Variants in ZCCHC14 observed in about 807,000 individuals in gnomAD.
ZCCHC14 encodes zinc finger CCHC domain-containing protein 14.
A neutral mutation model predicts 85.0 loss-of-function variants in ZCCHC14; 16 were observed. The observed-to-expected ratio is 0.19, with a 90% CI of 0.13 to 0.29. The LOEUF (loss-of-function observed/expected upper bound fraction) is 0.29. Ranked by LOEUF, ZCCHC14 falls within the 10% of genes least tolerant of loss-of-function variation. The pLI is 1.00. For missense variants in ZCCHC14, 1,303 were observed against 1,443.5 expected (o/e 0.90, Z 1.58); for synonymous variants, 775 against 630.7 (o/e 1.23, Z -3.43).
chr16:87,432,765 A>T (rs916731073), intron 3 of ZCCHC14, among the ~76,000 whole-genome samples: 28 of 152,198 alleles, frequency 1.8e-4, no homozygotes, highest in African/African-American at 6.8e-4. Flanking sequence ...TTCCCTGCCC[A>T]GACCAAGGAG....
At chr16:87,436,746 C>T (rs1458862069) in intron 2 of ZCCHC14, among the ~76,000 whole-genome samples, 1 of 152,088 alleles carries the variant, frequency 6.6e-6, no homozygotes, top group African/African-American at 2.4e-5. Context: ...AAAAAAGCCT[C>T]GGATATTAAC....
At chr16:87,425,626 G>A (rs1909332270) in intron 3 of ZCCHC14, among the ~76,000 whole-genome samples, 1 of 151,920 alleles carries the variant, frequency 6.6e-6, no homozygotes, top group Admixed American at 6.6e-5. Flanking sequence ...AAATGTTTGA[G>A]CTCCTTCTCT....
chr16:87,451,836 A>G (rs567628570), intron 2 of ZCCHC14, among the ~76,000 whole-genome samples: 1 of 152,374 alleles, frequency 6.6e-6, no homozygotes, highest in South Asian at 2.1e-4. Context: ...CACCACAGTG[A>G]ACACGGAAAG....
intron 4 of ZCCHC14, among the ~76,000 whole-genome samples, chr16:87,421,068 A>T (rs1267467198): frequency 3.3e-5 from 5 of 152,258 alleles, no homozygotes; most frequent in African/African-American, 4.8e-5. Context: ...CCACACCAGC[A>T]GGTCTGGAGA....
chr16:87,452,863 C>G (rs888859115), intron 2 of ZCCHC14, among the ~76,000 whole-genome samples: 4 of 152,186 alleles, frequency 2.6e-5, no homozygotes, highest in Admixed American at 2.0e-4. Flanking sequence ...AACAGCGAAG[C>G]CCCATGCCTT....
chr16:87,477,588 C>T (rs1315145743), intron 1 of ZCCHC14, among the ~76,000 whole-genome samples: 1 of 152,214 alleles, frequency 6.6e-6, no homozygotes, highest in Non-Finnish European at 1.5e-5. Flanking sequence ...AAAATAGCCA[C>T]TCACTAATGT....
chr16:87,468,259 A>T (rs1172366996), intron 1 of ZCCHC14, among the ~76,000 whole-genome samples: 1 of 152,154 alleles, frequency 6.6e-6, no homozygotes, highest in East Asian at 1.9e-4. Context: ...TCTTCCTTAA[A>T]TAGTGGTATT....
intron 2 of ZCCHC14, among the ~76,000 whole-genome samples, chr16:87,458,655 A>G (rs763683950): frequency 3.9e-5 from 6 of 152,208 alleles, no homozygotes; most frequent in Non-Finnish European, 8.8e-5. Flanking sequence ...GAAACAAAGC[A>G]GTTATGAAGC....
intron 1 of ZCCHC14, among the ~76,000 whole-genome samples, chr16:87,486,704 A>G (rs1428584995): frequency 3.3e-5 from 5 of 152,248 alleles, no homozygotes; most frequent in African/African-American, 1.2e-4. Context: ...GTGTTAGAAT[A>G]TTATCTCCTG....
chr16:87,483,668 G>A (rs1457898833), intron 1 of ZCCHC14, among the ~76,000 whole-genome samples: 11 of 152,268 alleles, frequency 7.2e-5, no homozygotes, highest in East Asian at 5.8e-4. Context: ...CTGTATGGCC[G>A]CAACCAGCAA....
chr16:87,442,761 CA>C (rs1395297140), intron 2 of ZCCHC14, among the ~76,000 whole-genome samples: 4 of 152,198 alleles, frequency 2.6e-5, no homozygotes, highest in Non-Finnish European at 5.9e-5. Flanking sequence ...TGAAAGCAAT[CA>C]AAAACAATAC....
At chr16:87,418,342 CCCGA>C (rs1567511710) in intron 7 of ZCCHC14, among the ~76,000 whole-genome samples, 1 of 152,202 alleles carries the variant, frequency 6.6e-6, no homozygotes, top group Non-Finnish European at 1.5e-5. Flanking sequence ...CTTACCCTAC[CCCGA>C]CACCAGGAGG....
chr16:87,464,296 C>T (rs1480508626), intron 1 of ZCCHC14, among the ~76,000 whole-genome samples: 1 of 152,164 alleles, frequency 6.6e-6, no homozygotes, highest in African/African-American at 2.4e-5. Context: ...AAACCACATC[C>T]CACACTCCCC....
intron 8 of ZCCHC14, among the ~76,000 whole-genome samples, chr16:87,417,052 G>C (rs1479609742): frequency 6.6e-6 from 1 of 152,090 alleles, no homozygotes; most frequent in Non-Finnish European, 1.5e-5. Flanking sequence ...CTCTAGGTAC[G>C]ACTGCTTGGA....
intron 2 of ZCCHC14, among the ~76,000 whole-genome samples, chr16:87,459,064 C>T (rs1433820616): frequency 2.0e-5 from 3 of 152,226 alleles, no homozygotes; most frequent in Non-Finnish European, 4.4e-5. Flanking sequence ...CTGATCATAA[C>T]ACGGCAGAGG....
intron 2 of ZCCHC14, among the ~76,000 whole-genome samples, chr16:87,445,213 T>C (rs1230797386): frequency 1.3e-5 from 2 of 152,006 alleles, no homozygotes; most frequent in Non-Finnish European, 2.9e-5. Context: ...ACTACAGGTG[T>C]GCTCTACCAC....
intron 2 of ZCCHC14, among the ~76,000 whole-genome samples, chr16:87,455,769 G>A (rs1910926101): frequency 6.6e-6 from 1 of 152,224 alleles, no homozygotes; most frequent in African/African-American, 2.4e-5. Flanking sequence ...GCATTCAGAA[G>A]GAACTGCTTC....
chr16:87,475,101 G>C (rs1164245536), intron 1 of ZCCHC14, among the ~76,000 whole-genome samples: 2 of 152,204 alleles, frequency 1.3e-5, no homozygotes, highest in African/African-American at 4.8e-5. Flanking sequence ...AGAGGAAAGA[G>C]TTAGCTCTGG....
At chr16:87,436,440 G>C (rs900888072) in intron 2 of ZCCHC14, among the ~76,000 whole-genome samples, 2 of 152,258 alleles carry the variant, frequency 1.3e-5, no homozygotes, top group African/African-American at 4.8e-5. Flanking sequence ...GGGAGAGAGG[G>C]AAGACCAGGC....
Sources: allele counts gnomAD v4.1 joint callset (sites outside exome capture counted in the v4.1 genomes callset), GRCh38; gene constraint gnomAD v4.1.1; transcripts MANE v1.5; gene names NCBI Gene and HGNC (gene_info 2026-07-23, HGNC 2026-07-21).